The following SLC22A24 variants were observed in gnomAD, a reference collection of about 807,000 sequenced individuals.
SLC22A24 encodes the protein solute carrier family 22 member 24.
SLC22A24 carries 53 observed loss-of-function variants against 49.8 expected under a neutral mutation model. The ratio of observed to expected loss-of-function variants is 1.06; its 90% CI spans 0.85 to 1.34. SLC22A24 has a LOEUF of 1.34. SLC22A24 is among the 40% of genes most tolerant of loss of function. SLC22A24 has a pLI of 0.00. For synonymous variants in SLC22A24, 302 were observed against 256.4 expected, an observed-to-expected ratio of 1.18 and a Z score of -1.70; for missense variants, 786 against 675.9, an observed-to-expected ratio of 1.16 and a Z score of -1.81.
intron 4 of SLC22A24, among the ~76,000 whole-genome samples, chr11:63,113,179 T>TATATATACAC (rs1565332264): frequency 2.2e-4 from 1 of 4,634 alleles, no homozygotes; most frequent in African/African-American, 3.1e-4. Flanking sequence ...TATATATACA[T>TATATATACAC]ATATATATAC....
chr11:63,110,424 T>C (rs539107504), intron 4 of SLC22A24, among the ~76,000 whole-genome samples: 11 of 151,776 alleles, frequency 7.2e-5, no homozygotes, highest in Admixed American at 2.0e-4. Context: ...ATTGAATCTA[T>C]AAATTATCTT....
rs765095430 is a variant in SLC22A24 at position 63,081,541 on chromosome 11, G to A, written c.1394+17C>T. ...GAAATTTGTGTTTTGAAACCAGATGGTCTTTAGCTCTTGTACCTCAATATG... is the reference window on the plus strand; with the variant it reads ...GAAATTTGTGTTTTGAAACCAGATGATCTTTAGCTCTTGTACCTCAATATG... On this transcript the variant is annotated intron_variant, in intron 8 of 9. Coordinates refer to ENST00000612278, the MANE Select transcript of SLC22A24 (RefSeq NM_001136506.2). 1 of 1,513,552 alleles carries A rather than the reference G, an allele frequency of 6.6e-7. No homozygotes were observed. The highest frequency in any genetic ancestry group is 2.0e-5 in the Admixed American group (1 of 50,852). The allele number at this position is 1,513,552 out of a possible 1,614,324, so 93.8% of individuals were successfully genotyped here.
intron 4 of SLC22A24, among the ~76,000 whole-genome samples, chr11:63,115,648 G>A (rs1021218999): frequency 6.6e-6 from 1 of 152,172 alleles, no homozygotes. Context: ...CTTCTGCATC[G>A]ATCACACTGG....
chr11:63,130,801 C>A (rs2087329023), intron 2 of SLC22A24, among the ~76,000 whole-genome samples: 1 of 151,994 alleles, frequency 6.6e-6, no homozygotes, highest in African/African-American at 2.4e-5. Flanking sequence ...GTTTGTATTT[C>A]TGTGGGATCA....
chr11:63,107,384 CT>C (rs1276817105), intron 4 of SLC22A24, among the ~76,000 whole-genome samples: 1 of 152,100 alleles, frequency 6.6e-6, no homozygotes, highest in Non-Finnish European at 1.5e-5. Flanking sequence ...CAGCTTTGTT[CT>C]TTTGGCTTAG....
At chr11:63,143,035 A>G (rs2087426439) in intron 1 of SLC22A24, among the ~76,000 whole-genome samples, 2 of 152,198 alleles carry the variant, frequency 1.3e-5, no homozygotes. Context: ...AAGCGTGGAT[A>G]TTTATGTTAC....
intron 9 of SLC22A24, among the ~76,000 whole-genome samples, chr11:63,080,209 A>G (rs767415516): frequency 6.6e-6 from 1 of 152,072 alleles, no homozygotes; most frequent in Non-Finnish European, 1.5e-5. Context: ...GAATATTGAT[A>G]CTCTCACCAT....
rs376408833 is a variant in SLC22A24 at position 63,104,949 on chromosome 11, G to A, written c.831-651C>T. Among the ~76,000 whole-genome samples the A allele has an allele frequency of 9.7e-4, 148 of 152,278 alleles. 6 individuals are homozygous for A. In the South Asian group the frequency reaches 0.03, roughly 31 times the overall value. On this transcript the variant is annotated intron_variant, in intron 4 of 9. Coordinates refer to ENST00000612278, the MANE Select transcript of SLC22A24 (RefSeq NM_001136506.2). ...CAAGGCAAGTCCCTTCTGCCTATGA[G>A]CCTATAAAATCAAAAGCAAGTTAGT...
At chr11:63,141,812 C>T (rs1396947063) in intron 1 of SLC22A24, among the ~76,000 whole-genome samples, 2 of 152,110 alleles carry the variant, frequency 1.3e-5, no homozygotes, top group African/African-American at 2.4e-5. Context: ...ATAATCAGGC[C>T]AAGTACAGTG....
intron 6 of SLC22A24, among the ~76,000 whole-genome samples, chr11:63,095,530 G>C (rs2087048625): frequency 6.6e-6 from 1 of 152,126 alleles, no homozygotes; most frequent in Admixed American, 6.6e-5. Flanking sequence ...AGTAAGTACA[G>C]TTGGTGGTTT....
intron 6 of SLC22A24, among the ~76,000 whole-genome samples, chr11:63,087,422 T>G (rs2086994066): frequency 6.6e-6 from 1 of 152,188 alleles, no homozygotes; most frequent in South Asian, 2.1e-4. Flanking sequence ...GTTTTTGCAA[T>G]CTGCAGATCA....
intron 4 of SLC22A24, among the ~76,000 whole-genome samples, chr11:63,110,909 G>C (rs1298171723): frequency 6.6e-6 from 1 of 150,838 alleles, no homozygotes. Context: ...GTGAGAGAGG[G>C]CATCCCTGTC....
chr11:63,108,920 T>A (rs1349284314), intron 4 of SLC22A24, among the ~76,000 whole-genome samples: 2 of 148,776 alleles, frequency 1.3e-5, no homozygotes, highest in Non-Finnish European at 3.0e-5. Context: ...TATGTATACA[T>A]GTGCCATGCT....
At chr11:63,088,145 C>T (rs569052575) in intron 6 of SLC22A24, among the ~76,000 whole-genome samples, 3 of 152,316 alleles carry the variant, frequency 2.0e-5, no homozygotes, top group African/African-American at 4.8e-5. Flanking sequence ...AACCTCCCAA[C>T]GGGGTCAACA....
intron 6 of SLC22A24, among the ~76,000 whole-genome samples, chr11:63,087,024 G>GCACGCACACACACA (rs1555045312): frequency 1.5e-5 from 2 of 132,556 alleles, no homozygotes; most frequent in Admixed American, 7.9e-5. Flanking sequence ...CCTGGAGGGC[G>GCACGCACACACACA]CACACACACA....
chr11:63,110,131 C>G (rs2087152122), intron 4 of SLC22A24, among the ~76,000 whole-genome samples: 1 of 151,334 alleles, frequency 6.6e-6, no homozygotes, highest in Non-Finnish European at 1.5e-5. Context: ...TTGTTTTTGT[C>G]AGGTTTGTCA....
chr11:63,139,029 A>G (rs1488471277), intron 1 of SLC22A24, among the ~76,000 whole-genome samples: 6 of 152,256 alleles, frequency 3.9e-5, no homozygotes, highest in Admixed American at 3.9e-4. Flanking sequence ...AGGATTTTTT[A>G]AAAGAGCACT....
chr11:63,102,656 G>C (rs2087098332), intron 5 of SLC22A24, among the ~76,000 whole-genome samples: 1 of 152,136 alleles, frequency 6.6e-6, no homozygotes, highest in Non-Finnish European at 1.5e-5. Context: ...CTGGTGAAAA[G>C]CTGAATAAGA....
chr11:63,081,041 A>G lies in SLC22A24; in HGVS notation c.1477T>C (p.Ser493Pro). 1 of 1,551,676 alleles carries G rather than the reference A, an allele frequency of 6.4e-7. No individual in the cohort carries two copies. Among genetic ancestry groups the G allele is most frequent in the Non-Finnish European group, 8.7e-7 (1 of 1,146,990 alleles). ...APLLMTLMAY[S>P]PHLPWISYGV... ...TAGGAAATCCAGGGTAGGTGGGGAG[A>G]ATACGCCATTAAGGTCATCAACAGA... The change falls in exon 9 of 10, where the codon TCT (serine) becomes CCT (proline). Residue 493 changes from serine (S) to proline (P), a missense_variant. Ser to Pro is a moderately conservative substitution (Grantham distance 74, BLOSUM62 -1). Transcript: ENST00000612278.
Sources: allele counts gnomAD v4.1 joint callset (sites outside exome capture counted in the v4.1 genomes callset), GRCh38; gene constraint gnomAD v4.1.1; transcripts MANE v1.5; gene names NCBI Gene and HGNC (gene_info 2026-07-23, HGNC 2026-07-21).